Variants in AGBL4 observed in about 807,000 individuals in gnomAD.
The protein encoded by AGBL4 is cytosolic carboxypeptidase 6.
Under a neutral mutation model 66.4 loss-of-function variants are expected in AGBL4, and 58 were observed. The ratio of observed to expected loss-of-function variants is 0.87; its 90% confidence interval spans 0.71 to 1.09. AGBL4 has a LOEUF of 1.09. AGBL4 is among the 50% of genes least tolerant of loss of function. AGBL4 has a pLI of 0.00. For missense variants in AGBL4, 579 were observed against 631.0 expected, an observed-to-expected ratio of 0.92 and a Z score of 0.88; for synonymous variants, 234 against 222.9, an observed-to-expected ratio of 1.05 and a Z score of -0.44.
intron 5 of AGBL4, among the ~76,000 whole-genome samples, chr1:48,971,032 G>A (rs1229714842): frequency 6.6e-6 from 1 of 152,046 alleles, no homozygotes; most frequent in Admixed American, 6.6e-5. Flanking sequence ...AAATGGTTAG[G>A]TGACTTACCC....
intron 1 of AGBL4, among the ~76,000 whole-genome samples, chr1:49,935,128 C>A (rs1195985755): frequency 6.6e-6 from 1 of 152,230 alleles, no homozygotes; most frequent in Non-Finnish European, 1.5e-5. Context: ...TCACTCCCAC[C>A]CTAATACAGC....
chr1:49,584,413 T>C (rs1362474038), intron 3 of AGBL4, among the ~76,000 whole-genome samples: 2 of 152,130 alleles, frequency 1.3e-5, no homozygotes, highest in Admixed American at 1.3e-4. Context: ...ATCCTTCCAT[T>C]GGGGGGCAGT....
At chr1:49,025,291 C>A (rs563512612) in intron 5 of AGBL4, among the ~76,000 whole-genome samples, 1 of 152,122 alleles carries the variant, frequency 6.6e-6, no homozygotes, top group Non-Finnish European at 1.5e-5. Context: ...CCCACTAATT[C>A]GCTGGGTGAC....
chr1:49,184,995 G>A (rs1646990475), intron 4 of AGBL4, among the ~76,000 whole-genome samples: 1 of 152,130 alleles, frequency 6.6e-6, no homozygotes, highest in African/African-American at 2.4e-5. Context: ...CCCTCCAAGT[G>A]TTTTCATATG....
intron 1 of AGBL4, among the ~76,000 whole-genome samples, chr1:49,921,828 C>T (rs545789451): frequency 1.3e-5 from 2 of 152,328 alleles, no homozygotes; most frequent in African/African-American, 4.8e-5. Flanking sequence ...GCGGCGCTGG[C>T]AGCCGATTGG....
rs377296626 is a variant in AGBL4, at chr1:49,906,551, C to A, written c.35-55033G>T. Among the ~76,000 whole-genome samples, 27 of 152,094 alleles carry A rather than the reference C, an allele frequency of 1.8e-4. No homozygotes were observed. In the East Asian group the frequency reaches 1.9e-3, roughly 11 times the overall value. On this transcript the variant is annotated intron_variant, in intron 1 of 13. Coordinates refer to ENST00000371839, the MANE Select transcript of AGBL4 (RefSeq NM_032785.4). ...AGCATACCCAATATTTATGTCAACC[C>A]CCATTATTGGCTAACAGCCAATAAA...
At chr1:49,768,952 G>A (rs867523642) in intron 2 of AGBL4, among the ~76,000 whole-genome samples, 3 of 151,988 alleles carry the variant, frequency 2.0e-5, no homozygotes, top group Non-Finnish European at 1.5e-5. Flanking sequence ...GGGTTCAAGC[G>A]ATTATCTTGC....
intron 3 of AGBL4, among the ~76,000 whole-genome samples, chr1:49,502,692 A>T (rs1648278026): frequency 6.6e-6 from 1 of 152,046 alleles, no homozygotes. Flanking sequence ...TGAGGAAGTA[A>T]TTGGGAAGAG....
chr1:49,072,862 G>A lies in AGBL4; in HGVS notation c.378-27062C>T, dbSNP rs4926533. 4.4e-3 allele frequency among the ~76,000 whole-genome samples: 664 copies of A among 152,164 alleles called. 16 individuals carry two copies. The highest frequency in any genetic ancestry group is 0.04 in the Admixed American group (616 of 15,286). ...TTTCCAACTTGTTTCCATTCTCCCC[G>A]TCACTTTCAGGTTCACCAATCAAAC... On this transcript the variant is annotated intron_variant, in intron 4 of 13. Transcript: ENST00000371839.
chr1:49,282,034 G>C (rs942588345), intron 3 of AGBL4, among the ~76,000 whole-genome samples: 2 of 152,136 alleles, frequency 1.3e-5, no homozygotes, highest in Non-Finnish European at 2.9e-5. Context: ...CAAGCTTGTG[G>C]AACTGAACAC....
At chr1:49,722,737 T>C (rs1648706864) in intron 2 of AGBL4, among the ~76,000 whole-genome samples, 1 of 152,166 alleles carries the variant, frequency 6.6e-6, no homozygotes, top group African/African-American at 2.4e-5. Flanking sequence ...CTTTGTGACC[T>C]TGGGCCTATG....
chr1:49,766,608 G>T (rs565229939), intron 2 of AGBL4, among the ~76,000 whole-genome samples: 1 of 151,416 alleles, frequency 6.6e-6, no homozygotes, highest in East Asian at 1.9e-4. Context: ...TGGTCTGAAT[G>T]CCCCCACTTA....
At chr1:48,577,532 C>A (rs1644673562) in intron 11 of AGBL4, among the ~76,000 whole-genome samples, 1 of 152,140 alleles carries the variant, frequency 6.6e-6, no homozygotes, top group Non-Finnish European at 1.5e-5. Flanking sequence ...CCCTTAGAAA[C>A]CTCATTTTAG....
intron 1 of AGBL4, among the ~76,000 whole-genome samples, chr1:49,957,731 C>T (rs1411854621): frequency 6.6e-6 from 1 of 152,004 alleles, no homozygotes; most frequent in Non-Finnish European, 1.5e-5. Context: ...TCCTCCATCC[C>T]TTTATTTTAA....
intron 3 of AGBL4, among the ~76,000 whole-genome samples, chr1:49,521,571 C>T (rs1019854837): frequency 6.6e-6 from 1 of 151,924 alleles, no homozygotes; most frequent in African/African-American, 2.4e-5. Flanking sequence ...ATTCAATAAA[C>T]AGTGCTGGGA....
intron 6 of AGBL4, chr1:48,758,901 G>T: frequency 6.6e-7 from 1 of 1,510,052 alleles, no homozygotes; most frequent in Non-Finnish European, 8.8e-7. Flanking sequence ...GGCACTCACC[G>T]CTGCCAAGCC....
chr1:49,782,025 CA>C (rs1191808242), intron 2 of AGBL4, among the ~76,000 whole-genome samples: 2 of 151,652 alleles, frequency 1.3e-5, no homozygotes, highest in Non-Finnish European at 2.9e-5. Flanking sequence ...AAGAATATCT[CA>C]AAATCAATGA....
chr1:48,903,833 T>G (rs190335937), intron 5 of AGBL4, among the ~76,000 whole-genome samples: 5 of 152,360 alleles, frequency 3.3e-5, no homozygotes, highest in Admixed American at 3.3e-4. Context: ...TGATTCTTGG[T>G]TTCCCCATCT....
At chr1:49,323,448 A>ATTT (rs11295329) in intron 3 of AGBL4, among the ~76,000 whole-genome samples, 5 of 114,886 alleles carry the variant, frequency 4.4e-5, no homozygotes, top group Non-Finnish European at 5.3e-5. Flanking sequence ...TGCCTGGCTA[A>ATTT]TTTTTTTTTT....
Sources: allele counts gnomAD v4.1 joint callset (sites outside exome capture counted in the v4.1 genomes callset), GRCh38; gene constraint gnomAD v4.1.1; transcripts MANE v1.5; gene names NCBI Gene and HGNC (gene_info 2026-07-23, HGNC 2026-07-21).